Variants in SNW1 observed in about 807,000 individuals in gnomAD.
SNW1 encodes SNW domain containing 1, also known as SNW domain-containing protein 1.
A neutral mutation model predicts 75.6 loss-of-function variants in SNW1; 9 were observed. That is an observed-to-expected ratio of 0.12 (90% CI 0.07 to 0.21). SNW1 has a LOEUF of 0.21. Ranked by LOEUF, SNW1 falls within the 10% of genes least tolerant of loss-of-function variation. SNW1 has a pLI of 1.00. For missense variants in SNW1, 409 were observed against 670.9 expected (o/e 0.61, Z 4.31); for synonymous variants, 200 against 219.1 (o/e 0.91, Z 0.77).
At chr14:77,752,751 GA>G (rs1334662484) in intron 2 of SNW1, among the ~76,000 whole-genome samples, 1 of 151,512 alleles carries the variant, frequency 6.6e-6, no homozygotes, top group Admixed American at 6.6e-5. Context: ...GGGTTTGATG[GA>G]AAAAAAAGAA....
At chr14:77,725,744 C>A (rs2080579856) in intron 10 of SNW1, among the ~76,000 whole-genome samples, 1 of 152,014 alleles carries the variant, frequency 6.6e-6, no homozygotes, top group African/African-American at 2.4e-5. Flanking sequence ...ATGGCAAAAC[C>A]CTGTCTCTAA....
At chr14:77,723,345 G>T in intron 10 of SNW1, 68 bp from the exon 11 acceptor site, 3 of 1,164,556 alleles carry the variant, frequency 2.6e-6, no homozygotes, top group Non-Finnish European at 2.6e-6. Context: ...GTACACGTGT[G>T]TATATATATA....
chr14:77,738,751 A>G lies in SNW1; in HGVS notation c.533+27T>C, dbSNP rs368880639. On this transcript the variant is annotated intron_variant, in intron 5 of 13. Transcript: ENST00000261531. ...CAAGCTGAATCAAGTTCAGAATGAAACTAAGTCTTCTAGGCATGATTCATA... is the reference window on the plus strand; with the variant it reads ...CAAGCTGAATCAAGTTCAGAATGAAGCTAAGTCTTCTAGGCATGATTCATA... The G allele has an allele frequency of 6.0e-5, 93 of 1,553,928 alleles. No homozygotes were observed. In the East Asian group the frequency reaches 7.2e-4, roughly 12 times the overall value.
Position 77,720,651 on chromosome 14 carries a change from G to A in SNW1, c.1248+60C>T, listed in dbSNP as rs902528236. On this transcript the variant is annotated intron_variant, in intron 12 of 13. Coordinates refer to ENST00000261531, the MANE Select transcript of SNW1 (RefSeq NM_012245.3). ...CCAAATGTAAAGTATGTTAATTTTC[G>A]TTTCCCTGAGGATAGGTATTCACAT... 18 of 1,096,046 alleles carry A rather than the reference G, an allele frequency of 1.6e-5. 1 individual carries two copies. In the Middle Eastern group the frequency reaches 5.9e-4, roughly 36 times the overall value. 67.9% of individuals were successfully genotyped at this position (1,096,046 alleles called of 1,614,324 possible).
In SNW1 at chr14:77,726,309, T is replaced by C. The variant is rs902738214; in HGVS notation, c.1034-3032A>G. 4.6e-5 allele frequency among the ~76,000 whole-genome samples: 7 copies of C among 152,230 alleles called. No individual in the cohort carries two copies. In the South Asian group the frequency reaches 1.4e-3, roughly 31 times the overall value. ...TTTTTAGAGTGTCTTCTACAATTTC[T>C]GTTTTTAAAATTTAATTTTTTTTCT... On this transcript the variant is annotated intron_variant, in intron 10 of 13. Coordinates refer to ENST00000261531, the MANE Select transcript of SNW1 (RefSeq NM_012245.3).
At chr14:77,720,301 G>A (rs2080529006) in intron 12 of SNW1, among the ~76,000 whole-genome samples, 1 of 152,014 alleles carries the variant, frequency 6.6e-6, no homozygotes, top group Non-Finnish European at 1.5e-5. Context: ...CACCTGGCTA[G>A]TTTTCGTATT....
chr14:77,737,739 C>T (rs1461946690), intron 5 of SNW1, among the ~76,000 whole-genome samples: 1 of 152,066 alleles, frequency 6.6e-6, no homozygotes, highest in African/African-American at 2.4e-5. Flanking sequence ...GCCTGTAATC[C>T]CAGCACATTG....
At chr14:77,745,354 CATATT>C (rs2080753046) in intron 3 of SNW1, among the ~76,000 whole-genome samples, 1 of 152,156 alleles carries the variant, frequency 6.6e-6, no homozygotes, top group East Asian at 1.9e-4. Flanking sequence ...GAGAATGTGT[CATATT>C]ATGGGAACTA....
chr14:77,717,699 TTTGGC>T lies in SNW1; in HGVS notation c.*384_*388del, dbSNP rs1277335660. The T allele has an allele frequency of 6.8e-6, 5 of 737,266 alleles. No homozygotes were observed. The Admixed American group carries it at 1.3e-4, about 19-fold the overall frequency. The allele number at this position is 737,266 out of a possible 1,614,324, so 45.7% of individuals were successfully genotyped here. Reference sequence around the variant, plus strand: ...CAGAGCACAATAGGGGCAAAATTTATTTGGCAGGACAGTTCCAGTATGTGAACATC... The same window carrying T: ...CAGAGCACAATAGGGGCAAAATTTATAGGACAGTTCCAGTATGTGAACATC... On this transcript the variant is annotated 3_prime_UTR_variant, in exon 14 of 14. Transcript: ENST00000261531.
At position 77,723,287 on chromosome 14, in the gene SNW1, C is replaced by G. The variant is rs1407979158; in HGVS notation, c.1034-10G>C. The G allele has an allele frequency of 1.2e-6, 2 of 1,603,610 alleles. No homozygotes were observed. Among genetic ancestry groups the G allele is most frequent in the South Asian group, 1.1e-5 (1 of 90,876 alleles). On this transcript the variant is annotated splice_polypyrimidine_tract_variant and intron_variant, in intron 10 of 13. Coordinates refer to ENST00000261531, the MANE Select transcript of SNW1 (RefSeq NM_012245.3). Reference sequence around the variant, plus strand: ...CGTGCCTCCCCATCCTCTGTGTGAACAGTTGAAAAGTACTTCACTGTAATA... The same window carrying G: ...CGTGCCTCCCCATCCTCTGTGTGAAGAGTTGAAAAGTACTTCACTGTAATA...
chr14:77,735,004 T>A lies in SNW1; in HGVS notation c.717A>T (p.Val239=). ...VMHSPSRKMT[V]KEQQEWKIPP... is the part of the protein sequence containing the mutation. Reference sequence around the variant, plus strand: ...GAATCTTCCACTCTTGTTGTTCCTTTACAGTCATCTGAGAGAAGAGGGAAA... The same window carrying A: ...GAATCTTCCACTCTTGTTGTTCCTTAACAGTCATCTGAGAGAAGAGGGAAA... The change falls in exon 8 of 14, where the codon GTA becomes GTT. Residue 239 remains valine, a synonymous_variant. Transcript: ENST00000261531. 2.5e-6 allele frequency: 4 copies of A among 1,607,570 alleles called. No homozygotes were observed. The highest frequency in any genetic ancestry group is 3.4e-6 in the Non-Finnish European group (4 of 1,174,716).
intron 3 of SNW1, among the ~76,000 whole-genome samples, chr14:77,742,208 G>C (rs969338345): frequency 1.9e-4 from 29 of 151,788 alleles, no homozygotes; most frequent in African/African-American, 7.0e-4. Context: ...GCTAATTTTT[G>C]TATTTTTATT....
intron 3 of SNW1, 92 bp from the exon 4 acceptor site, chr14:77,739,153 A>G: frequency 1.2e-6 from 1 of 859,794 alleles, no homozygotes. Context: ...CCCTCTCAGC[A>G]CACTTAAAAA....
chr14:77,728,860 T>A (rs1003181322), intron 10 of SNW1, among the ~76,000 whole-genome samples: 4 of 152,240 alleles, frequency 2.6e-5, no homozygotes, highest in Non-Finnish European at 5.9e-5. Flanking sequence ...GTGCCCACCA[T>A]AAGAAGCACC....
chr14:77,736,091 TA>T, intron 6 of SNW1, 85 bp from the exon 7 acceptor site: 3 of 967,468 alleles, frequency 3.1e-6, no homozygotes, highest in South Asian at 2.9e-5. Flanking sequence ...TTTTCTTGCA[TA>T]AAAGTTTCAA....
chr14:77,760,328 A>G (rs572607013), intron 1 of SNW1, among the ~76,000 whole-genome samples: 3 of 152,328 alleles, frequency 2.0e-5, no homozygotes, highest in Admixed American at 6.5e-5. Context: ...TACTTTATCT[A>G]TAACCTTCCT....
At chr14:77,720,009 A>C (rs1040105501) in intron 12 of SNW1, among the ~76,000 whole-genome samples, 5 of 152,242 alleles carry the variant, frequency 3.3e-5, no homozygotes, top group African/African-American at 1.2e-4. Context: ...TTGGTACTAG[A>C]AATCAGATTT....
At chr14:77,737,504 G>A (rs1220308861) in intron 5 of SNW1, among the ~76,000 whole-genome samples, 2 of 151,914 alleles carry the variant, frequency 1.3e-5, no homozygotes, top group Admixed American at 1.3e-4. Context: ...AGCCCTACCA[G>A]CTCTGAATTT....
At chr14:77,721,715 G>C (rs1380651055) in intron 11 of SNW1, among the ~76,000 whole-genome samples, 1 of 152,006 alleles carries the variant, frequency 6.6e-6, no homozygotes, top group East Asian at 1.9e-4. Flanking sequence ...ATACCAGCAG[G>C]AATCTTTTTC....
Sources: gnomAD v4.1 joint callset for allele counts (sites outside exome capture counted in the v4.1 genomes callset) on GRCh38, gnomAD v4.1.1 for gene constraint, MANE v1.5 for transcripts, NCBI Gene and HGNC (gene_info 2026-07-23, HGNC 2026-07-21) for gene names.